CTIF: variants seen among roughly 807,000 people sequenced by gnomAD.
The protein encoded by CTIF is cap binding complex dependent translation initiation factor.
A neutral mutation model predicts 66.0 loss-of-function variants in CTIF; 21 were observed. The observed-to-expected ratio is 0.32, with a 90% CI of 0.23 to 0.46. CTIF has a LOEUF of 0.46. Among genes scored for constraint, CTIF ranks in the 20% least tolerant of loss-of-function variants. The pLI is 1.00. For synonymous variants in CTIF, 345 were observed against 326.4 expected (o/e 1.06, Z -0.62); for missense variants, 739 against 812.7 (o/e 0.91, Z 1.10).
intron 1 of CTIF, among the ~76,000 whole-genome samples, chr18:48,599,357 C>T (rs140900572): frequency 1.3e-4 from 19 of 151,732 alleles, no homozygotes; most frequent in African/African-American, 4.6e-4. Context: ...CATAAAAATG[C>T]CAAAATCTCA....
In CTIF at chr18:48,602,082, G is replaced by A. The variant is rs78766458; in HGVS notation, c.-28-17456G>A. The stretch of plus-strand genomic sequence containing the variant: ...GCCAGATGACAGGCAGGACATAGTC[G>A]TCATGGCCTGAGCCTGTGTGAACAT... On this transcript the variant is annotated intron_variant, in intron 1 of 11. Transcript: ENST00000256413. 1.2e-3 allele frequency among the ~76,000 whole-genome samples: 180 copies of A among 152,348 alleles called. 2 individuals carry two copies. The highest frequency in any genetic ancestry group is 4.0e-3 in the African/African-American group (168 of 41,582).
chr18:48,738,782 A>T (rs992812243), intron 7 of CTIF, among the ~76,000 whole-genome samples: 1 of 152,174 alleles, frequency 6.6e-6, no homozygotes, highest in African/African-American at 2.4e-5. Flanking sequence ...TATCTTCTGC[A>T]TCTCCCCGCT....
chr18:48,722,156 G>C (rs923452309), intron 7 of CTIF, among the ~76,000 whole-genome samples: 1 of 149,402 alleles, frequency 6.7e-6, no homozygotes, highest in African/African-American at 2.5e-5. Context: ...TCCTTCCCCA[G>C]ATCTGGCACA....
chr18:48,818,741 A>G (rs1222757137), intron 10 of CTIF, among the ~76,000 whole-genome samples: 3 of 150,878 alleles, frequency 2.0e-5, no homozygotes, highest in Non-Finnish European at 1.5e-5. Flanking sequence ...CCCTCCCACC[A>G]CCGGCAGGCC....
chr18:48,611,108 C>T (rs1181869127), intron 1 of CTIF, among the ~76,000 whole-genome samples: 1 of 152,238 alleles, frequency 6.6e-6, no homozygotes, highest in Non-Finnish European at 1.5e-5. Context: ...ACCTGAGTGG[C>T]TCCCAGTACG....
chr18:48,835,230 C>G (rs1375216676), intron 10 of CTIF, among the ~76,000 whole-genome samples: 1 of 152,184 alleles, frequency 6.6e-6, no homozygotes, highest in Non-Finnish European at 1.5e-5. Context: ...TTTATGGTGT[C>G]TTTATTGGCC....
At chr18:48,782,049 G>A (rs538722690) in intron 9 of CTIF, among the ~76,000 whole-genome samples, 8 of 152,152 alleles carry the variant, frequency 5.3e-5, no homozygotes, top group Non-Finnish European at 8.8e-5. Flanking sequence ...CTGAGTGGTG[G>A]GCAGGAGGGT....
Position 48,623,937 on chromosome 18 carries a change from AAGAT to A in CTIF, c.180+4205_180+4208del, listed in dbSNP as rs527730438. 3.5e-3 allele frequency among the ~76,000 whole-genome samples: 534 copies of A among 152,230 alleles called. 6 individuals are homozygous for A. Among genetic ancestry groups the A allele is most frequent in the African/African-American group, 0.012 (499 of 41,522 alleles). On this transcript the variant is annotated intron_variant, in intron 2 of 11. Transcript: ENST00000256413. ...GATAATACATAGATAATAGATAGAT[AAGAT>A]AGATAGATAGATCAGTTTTCCTGTC...
intron 9 of CTIF, among the ~76,000 whole-genome samples, chr18:48,783,115 T>C (rs1039963436): frequency 6.6e-6 from 1 of 152,124 alleles, no homozygotes; most frequent in Non-Finnish European, 1.5e-5. Flanking sequence ...TGGGAAAGGC[T>C]GATGTCTTAG....
At chr18:48,746,280 A>C (rs1448316955) in intron 7 of CTIF, among the ~76,000 whole-genome samples, 1 of 151,906 alleles carries the variant, frequency 6.6e-6, no homozygotes, top group Non-Finnish European at 1.5e-5. Flanking sequence ...CACACCCATG[A>C]CACCTGCCTG....
At chr18:48,851,091 G>T (rs1481025360) in intron 10 of CTIF, among the ~76,000 whole-genome samples, 2 of 152,252 alleles carry the variant, frequency 1.3e-5, no homozygotes, top group African/African-American at 4.8e-5. Flanking sequence ...GTTGGAAGGG[G>T]GGGCTCTAGG....
chr18:48,556,029 C>G (rs958084235), intron 1 of CTIF, among the ~76,000 whole-genome samples: 3 of 152,186 alleles, frequency 2.0e-5, no homozygotes, highest in Non-Finnish European at 4.4e-5. Context: ...TGGGCCATTT[C>G]TGGAAGCATG....
chr18:48,598,101 G>A (rs1255880281), intron 1 of CTIF, among the ~76,000 whole-genome samples: 2 of 152,214 alleles, frequency 1.3e-5, no homozygotes, highest in African/African-American at 4.8e-5. Flanking sequence ...TCCAGACTCT[G>A]AAACAGTGGG....
intron 3 of CTIF, 46 bp downstream of exon 3, chr18:48,636,731 G>A: frequency 2.1e-6 from 3 of 1,454,186 alleles, no homozygotes; most frequent in Non-Finnish European, 2.7e-6. Flanking sequence ...CCTATGTCTT[G>A]TCTGCCTGGG....
chr18:48,761,728 C>G lies in CTIF; in HGVS notation c.1371+39C>G. 1 of 1,573,924 alleles carries G rather than the reference C, an allele frequency of 6.4e-7. No homozygotes were observed. Among genetic ancestry groups the G allele is most frequent in the Non-Finnish European group, 8.7e-7 (1 of 1,154,038 alleles). ...GGCCACCACCGCCCCGCGCCCCCTG[C>G]CCCTCTGCGTTCGGTGAGTTATTCC... On this transcript the variant is annotated intron_variant, in intron 9 of 11. Transcript: ENST00000256413. This position sits in a 1 kb window ranked among gnomAD's most constrained non-coding sequence, Gnocchi z 4.2.
At chr18:48,663,949 T>G in intron 4 of CTIF, 124 bp downstream of exon 4, 1 of 889,030 alleles carries the variant, frequency 1.1e-6, no homozygotes, top group Non-Finnish European at 1.9e-6. Context: ...GTAGGGGATG[T>G]AGGAAGGATG....
chr18:48,727,669 C>T (rs2092397840), intron 7 of CTIF, among the ~76,000 whole-genome samples: 1 of 152,192 alleles, frequency 6.6e-6, no homozygotes, highest in Non-Finnish European at 1.5e-5. Context: ...GGGACAATGC[C>T]CTTAAGCTTC....
intron 1 of CTIF, among the ~76,000 whole-genome samples, chr18:48,610,104 T>A (rs973375439): frequency 2.6e-5 from 4 of 152,032 alleles, no homozygotes; most frequent in African/African-American, 9.7e-5. Context: ...GGGCCTGCAA[T>A]GGAAGCAGGT....
At chr18:48,809,149 C>A (rs915910150) in intron 9 of CTIF, among the ~76,000 whole-genome samples, 3 of 152,108 alleles carry the variant, frequency 2.0e-5, no homozygotes, top group African/African-American at 7.2e-5. Context: ...ATTAAATGAG[C>A]TTTGTACATT....
Sources: allele counts gnomAD v4.1 joint callset (sites outside exome capture counted in the v4.1 genomes callset), GRCh38; gene constraint gnomAD v4.1.1; non-coding constraint Gnocchi (gnomAD v3.1); transcripts MANE v1.5; gene names NCBI Gene and HGNC (gene_info 2026-07-23, HGNC 2026-07-21).